GPAM: variants seen among roughly 807,000 people sequenced by gnomAD.
GPAM encodes the protein glycerol-3-phosphate acyltransferase, mitochondrial, also known as glycerol-3-phosphate acyltransferase 1, mitochondrial.
A neutral mutation model predicts 105.0 loss-of-function variants in GPAM; 56 were observed. The ratio of observed to expected loss-of-function variants is 0.53; its 90% CI spans 0.43 to 0.67. The LOEUF (loss-of-function observed/expected upper bound fraction) is 0.67. GPAM is among the 30% of genes least tolerant of loss of function. The pLI is 0.00. For missense variants in GPAM, 855 were observed against 989.8 expected (o/e 0.86, Z 1.83); for synonymous variants, 368 against 354.4 (o/e 1.04, Z -0.43).
Position 112,151,692 on chromosome 10 carries a change from A to C in GPAM, c.*1858T>G, listed in dbSNP as rs1046833646. 1.1e-5 allele frequency: 11 copies of C among 985,032 alleles called. No homozygotes were observed. The highest frequency in any genetic ancestry group is 1.3e-5 in the Non-Finnish European group (11 of 829,688). 61.0% of individuals were successfully genotyped at this position (985,032 alleles called of 1,614,324 possible). ...AGTGTCGACTGGGAAGCGAGTCCCAATCTTGAATAATGGTGAGCTTGAGTA... is the reference window on the plus strand; with the variant it reads ...AGTGTCGACTGGGAAGCGAGTCCCACTCTTGAATAATGGTGAGCTTGAGTA... On this transcript the variant is annotated 3_prime_UTR_variant, in exon 22 of 22. Coordinates refer to ENST00000348367, the MANE Select transcript of GPAM (RefSeq NM_001244949.2).
the GPAM span, among the ~76,000 whole-genome samples, chr10:112,225,148 C>T: frequency 6.6e-5 from 10 of 152,176 alleles, no homozygotes; most frequent in African/African-American, 2.4e-4. Context: ...ACCTGGATTT[C>T]AGCTTCTGGT....
At chr10:112,181,959 A>C in intron 2 of GPAM, 146 bp from the exon 3 acceptor site, 7 of 617,306 alleles carry the variant, frequency 1.1e-5, no homozygotes. Context: ...CACAAGGTAA[A>C]AACTGACTTT....
upstream of GPAM, among the ~76,000 whole-genome samples, chr10:112,188,030 GC>G (rs1218010521): frequency 6.6e-6 from 1 of 152,044 alleles, no homozygotes; most frequent in Non-Finnish European, 1.5e-5. Flanking sequence ...TTTGAGGAAT[GC>G]AGCTAAAACA....
intron 17 of GPAM, 150 bp downstream of exon 17, chr10:112,159,761 T>C (rs966263159): frequency 3.9e-6 from 3 of 763,336 alleles, no homozygotes; most frequent in Non-Finnish European, 6.7e-6. Context: ...GTAAATGACA[T>C]ATTGGTTTGG....
At chr10:112,193,672 G>A (rs184639318) in intron 1 of GPAM, among the ~76,000 whole-genome samples, 7 of 152,134 alleles carry the variant, frequency 4.6e-5, no homozygotes, top group Non-Finnish European at 8.8e-5. Flanking sequence ...AACATACAAG[G>A]GATATATTAT....
the GPAM span, among the ~76,000 whole-genome samples, chr10:112,226,009 T>C: frequency 2.0e-5 from 3 of 152,200 alleles, no homozygotes; most frequent in African/African-American, 7.2e-5. Context: ...TCACACCATT[T>C]TTCCCATGGT....
chr10:112,204,911 G>C (rs1847842390), intron 1 of GPAM, among the ~76,000 whole-genome samples: 1 of 105,156 alleles, frequency 9.5e-6, no homozygotes, highest in Non-Finnish European at 1.9e-5. Flanking sequence ...TGTTTATCTA[G>C]AAAACCCCAT....
chr10:112,190,512 A>AAG, intron 1 of GPAM, among the ~76,000 whole-genome samples: 1 of 149,022 alleles, frequency 6.7e-6, no homozygotes, highest in East Asian at 2.0e-4. Flanking sequence ...AAAAAAAAAA[A>AAG]AAGAAAAGAA....
intron 1 of GPAM, among the ~76,000 whole-genome samples, chr10:112,204,197 A>T (rs1320702905): frequency 6.6e-6 from 1 of 151,912 alleles, no homozygotes; most frequent in African/African-American, 2.4e-5. Context: ...GCTCAAGCAC[A>T]CAGATAGAAC....
chr10:112,190,114 T>TTTATTAGAAATAA, intron 1 of GPAM, among the ~76,000 whole-genome samples: 1 of 152,326 alleles, frequency 6.6e-6, no homozygotes, highest in East Asian at 1.9e-4. Flanking sequence ...AATAAATAAA[T>TTTATTAGAAATAA]ATATTTCTAA....
intron 1 of GPAM, among the ~76,000 whole-genome samples, chr10:112,213,797 G>A (rs1355374486): frequency 6.6e-6 from 1 of 152,126 alleles, no homozygotes. Context: ...TGTTTCTGTG[G>A]TGAGACAGAG....
At position 112,173,772 on chromosome 10, in the gene GPAM, C is replaced by T. The variant is rs544144219; in HGVS notation, c.487G>A (p.Val163Ile). ...TTAGCTTTCTTTTTCACTTTGTTAACGGCTTTTGATTGCTGCTGGGCAGAA... is the reference window on the plus strand; with the variant it reads ...TTAGCTTTCTTTTTCACTTTGTTAATGGCTTTTGATTGCTGCTGGGCAGAA... The part of the protein sequence containing the change: ...DGSAQQQSKA[V>I]NKVKKKAKRI... Residue 163 changes from valine to isoleucine, a missense_variant, in exon 7 of 22, where the codon GTT (valine) becomes ATT (isoleucine). Coordinates refer to ENST00000348367, the MANE Select transcript of GPAM (RefSeq NM_001244949.2). The T allele has an allele frequency of 1.7e-5, 27 of 1,613,590 alleles. No homozygotes were observed. The highest frequency in any genetic ancestry group is 5.3e-5 in the African/African-American group (4 of 75,010).
intron 1 of GPAM, among the ~76,000 whole-genome samples, chr10:112,214,893 A>G (rs1417183110): frequency 6.6e-6 from 1 of 152,214 alleles, no homozygotes; most frequent in Non-Finnish European, 1.5e-5. Context: ...AAACTCGGGA[A>G]GGATTTCATG....
At position 112,162,419 on chromosome 10, in the gene GPAM, G is replaced by A. The variant is rs185566042; in HGVS notation, c.1424-682C>T. On this transcript the variant is annotated intron_variant, in intron 14 of 21. Transcript: ENST00000348367. ...ATTTCCTCTTTCAACCTGACCCAGA[G>A]GTAAGAAGGAAGGGCACAGACACAC... is the stretch of plus-strand genomic sequence containing the variant. Among the ~76,000 whole-genome samples the A allele has an allele frequency of 2.3e-3, 352 of 151,832 alleles. 2 individuals carry two copies. The highest frequency in any genetic ancestry group is 4.2e-3 in the Non-Finnish European group (283 of 68,014).
chr10:112,197,492 AT>A (rs1289890325), intron 1 of GPAM, among the ~76,000 whole-genome samples: 1 of 51,418 alleles, frequency 1.9e-5, no homozygotes, highest in South Asian at 5.1e-4. Flanking sequence ...TTTTTTATTT[AT>A]TTTTTTATTA....
chr10:112,157,373 T>C lies in GPAM; in HGVS notation c.1997A>G (p.Asp666Gly), dbSNP rs1166198785. ...LTVAEHDDQE[D>G]ISPSLAEQQW... ...CTGCTCAGCAAGACTAGGACTGATATCTTCCTGGTCATCGTGCTAGGCCAA... is the reference window on the plus strand; with the variant it reads ...CTGCTCAGCAAGACTAGGACTGATACCTTCCTGGTCATCGTGCTAGGCCAA... The change falls in exon 19 of 22, where the codon GAT becomes GGT. Residue 666 changes from aspartate (D) to glycine (G), a missense_variant. Physicochemically the swap from Asp to Gly is moderately conservative, Grantham distance 94. Coordinates refer to ENST00000348367, the MANE Select transcript of GPAM (RefSeq NM_001244949.2). The C allele has an allele frequency of 2.5e-6, 4 of 1,613,864 alleles. No individual in the cohort carries two copies. The highest frequency in any genetic ancestry group is 3.3e-5 in the Admixed American group (2 of 60,030).
intron 14 of GPAM, 139 bp from the exon 15 acceptor site, chr10:112,161,876 C>A: frequency 1.4e-6 from 1 of 722,974 alleles, no homozygotes; most frequent in South Asian, 1.5e-5. Context: ...TGTGATTTAC[C>A]AAAAGGAAGT....
At chr10:112,167,514 C>T (rs1847239106) in intron 11 of GPAM, among the ~76,000 whole-genome samples, 1 of 152,174 alleles carries the variant, frequency 6.6e-6, no homozygotes, top group South Asian at 2.1e-4. Context: ...GTATACCATA[C>T]ACTGGAATAC....
chr10:112,210,986 C>A (rs1393136819), intron 1 of GPAM, among the ~76,000 whole-genome samples: 1 of 152,204 alleles, frequency 6.6e-6, no homozygotes, highest in Non-Finnish European at 1.5e-5. Flanking sequence ...TCCAAAGAAT[C>A]CCACCCCAGG....
Sources: allele counts gnomAD v4.1 joint callset (sites outside exome capture counted in the v4.1 genomes callset), GRCh38; gene constraint gnomAD v4.1.1; transcripts MANE v1.5; gene names NCBI Gene and HGNC (gene_info 2026-07-23, HGNC 2026-07-21).